The following METTL21C variants were observed in gnomAD, a reference collection of about 807,000 sequenced individuals.
METTL21C encodes methyltransferase 21C, AARS1 lysine.
In METTL21C, 21 loss-of-function variants were observed where a neutral mutation model predicts 25.9. The ratio of observed to expected loss-of-function variants is 0.81; its 90% confidence interval spans 0.58 to 1.17. The LOEUF (loss-of-function observed/expected upper bound fraction) is 1.17, where lower values mean the gene tolerates loss of function less well. Ranked by LOEUF, METTL21C falls within the 50% of genes most tolerant of loss-of-function variation. The pLI is 0.00. For missense variants in METTL21C, 312 were observed against 315.1 expected, an observed-to-expected ratio of 0.99 and a Z score of 0.07; for synonymous variants, 125 against 124.7, an observed-to-expected ratio of 1.00 and a Z score of -0.01.
intron 2 of METTL21C, among the ~76,000 whole-genome samples, chr13:102,689,181 C>T (rs894122983): frequency 2.6e-5 from 4 of 152,134 alleles, no homozygotes; most frequent in South Asian, 2.1e-4. Context: ...CCTCTTGCCT[C>T]GGCTTCTGAA....
intron 2 of METTL21C, 119 bp downstream of exon 2, chr13:102,690,694 T>G (rs367744448): frequency 6.5e-6 from 8 of 1,232,268 alleles, no homozygotes; most frequent in South Asian, 4.8e-5. Flanking sequence ...GGCAAGCAAC[T>G]GAACCTCAAA....
At chr13:102,699,229 C>G (rs1885995361), upstream of METTL21C, among the ~76,000 whole-genome samples, 1 of 152,100 alleles carries the variant, frequency 6.6e-6, no homozygotes, top group African/African-American at 2.4e-5. Context: ...CAGTGGAGAC[C>G]CACCCTTTCT....
In METTL21C at chr13:102,690,947, G is replaced by A. The variant is rs1885815246; in HGVS notation, c.148C>T (p.Pro50Ser). 1.9e-6 allele frequency: 3 copies of A among 1,613,954 alleles called. No individual in the cohort carries two copies. Among genetic ancestry groups the A allele is most frequent in the South Asian group, 2.2e-5 (2 of 91,046 alleles). Reference sequence around the variant, plus strand: ...AATTTCTGGAGGCTATGAAGAGATGGTTCTATCTTGTTGGATTCTGTGAAG... The same window carrying A: ...AATTTCTGGAGGCTATGAAGAGATGATTCTATCTTGTTGGATTCTGTGAAG... ...GVLEESNKIE[P>S]SLHSLQKFVP... The change falls in exon 2 of 4, where the codon CCA (proline) becomes TCA (serine). Residue 50 changes from proline (P) to serine (S), a missense_variant. Pro to Ser is a moderately conservative substitution (Grantham distance 74). Transcript: ENST00000267273.
At chr13:102,704,264 T>C in the METTL21C span, among the ~76,000 whole-genome samples, 1 of 152,214 alleles carries the variant, frequency 6.6e-6, no homozygotes, top group African/African-American at 2.4e-5. Context: ...TAGGTTCTAA[T>C]TCTTTCGATT....
At chr13:102,703,494 G>T in the METTL21C span, among the ~76,000 whole-genome samples, 1 of 152,184 alleles carries the variant, frequency 6.6e-6, no homozygotes, top group Non-Finnish European at 1.5e-5. Flanking sequence ...AAAATAAATG[G>T]AAAGAAAACC....
the METTL21C span, among the ~76,000 whole-genome samples, chr13:102,701,317 C>T: frequency 6.6e-6 from 1 of 152,120 alleles, no homozygotes; most frequent in Non-Finnish European, 1.5e-5. Context: ...CTGTTTCCTT[C>T]GTCTCTGAGA....
intron 1 of METTL21C, among the ~76,000 whole-genome samples, 159 bp from the exon 2 acceptor site, chr13:102,691,123 T>G (rs561617688): frequency 3.0e-4 from 45 of 152,224 alleles, no homozygotes; most frequent in African/African-American, 1.1e-3. Context: ...GGCACAAAAT[T>G]GAATTATATG....
chr13:102,698,024 C>A (rs1240860838), upstream of METTL21C, among the ~76,000 whole-genome samples: 3 of 152,166 alleles, frequency 2.0e-5, no homozygotes, highest in South Asian at 6.2e-4. Context: ...CACACATGAG[C>A]GAGGCCAGGA....
chr13:102,689,727 A>C (rs896003), intron 2 of METTL21C, among the ~76,000 whole-genome samples: 1 of 152,146 alleles, frequency 6.6e-6, no homozygotes, highest in South Asian at 2.1e-4. Flanking sequence ...CCTGCACCCC[A>C]GTCGGGAGCT....
the METTL21C span, among the ~76,000 whole-genome samples, chr13:102,702,387 G>A: frequency 0.059 from 9,028 of 152,068 alleles, 867 homozygotes; most frequent in African/African-American, 0.2. Flanking sequence ...TTCCTATTTA[G>A]CATTGTGTAG....
intron 1 of METTL21C, among the ~76,000 whole-genome samples, chr13:102,691,971 T>G (rs981688195): frequency 6.6e-6 from 1 of 151,932 alleles, no homozygotes; most frequent in East Asian, 1.9e-4. Flanking sequence ...TGAGTCAAAG[T>G]GTGTGGAAGA....
chr13:102,686,730 G>C (rs1885685902), intron 3 of METTL21C, among the ~76,000 whole-genome samples: 1 of 152,166 alleles, frequency 6.6e-6, no homozygotes, highest in African/African-American at 2.4e-5. Context: ...TTCGTCCCAT[G>C]GAAACTGGTT....
At chr13:102,686,905 G>C (rs371053488) in intron 3 of METTL21C, 35 bp downstream of exon 3, 14 of 1,523,156 alleles carry the variant, frequency 9.2e-6, no homozygotes, top group East Asian at 2.3e-5. Context: ...TTACAGTAAA[G>C]ATCTGGATAC....
chr13:102,696,998 GT>G (rs1885958294), upstream of METTL21C, among the ~76,000 whole-genome samples: 1 of 152,178 alleles, frequency 6.6e-6, no homozygotes, highest in African/African-American at 2.4e-5. Flanking sequence ...AAAAGGATTA[GT>G]CCTCCTGCAT....
upstream of METTL21C, among the ~76,000 whole-genome samples, chr13:102,695,071 G>A (rs1239022490): frequency 6.6e-6 from 1 of 152,170 alleles, no homozygotes; most frequent in African/African-American, 2.4e-5. Context: ...TTTCAAAGAA[G>A]TGGGTGTTGG....
At chr13:102,697,290 T>C (rs939905713), upstream of METTL21C, among the ~76,000 whole-genome samples, 1 of 151,990 alleles carries the variant, frequency 6.6e-6, no homozygotes, top group Non-Finnish European at 1.5e-5. Context: ...GGGGGAGTCC[T>C]CCCCTCTTGC....
intron 1 of METTL21C, among the ~76,000 whole-genome samples, chr13:102,692,454 T>C (rs1885855943): frequency 2.0e-5 from 3 of 152,198 alleles, no homozygotes; most frequent in Non-Finnish European, 4.4e-5. Flanking sequence ...GCCTGTTGAA[T>C]CTAACTACAA....
chr13:102,695,899 T>A (rs1341505558), upstream of METTL21C, among the ~76,000 whole-genome samples: 1 of 152,222 alleles, frequency 6.6e-6, no homozygotes, highest in Non-Finnish European at 1.5e-5. Flanking sequence ...TAAAAACTGA[T>A]TGCAATGTAC....
intron 2 of METTL21C, among the ~76,000 whole-genome samples, chr13:102,687,469 A>G (rs1054869304): frequency 6.6e-6 from 1 of 152,224 alleles, no homozygotes; most frequent in Non-Finnish European, 1.5e-5. Flanking sequence ...TTATAGAAGT[A>G]ATTTTTTAAA....
Sources: gnomAD v4.1 joint callset for allele counts (sites outside exome capture counted in the v4.1 genomes callset) on GRCh38, gnomAD v4.1.1 for gene constraint, MANE v1.5 for transcripts, NCBI Gene and HGNC (gene_info 2026-07-23, HGNC 2026-07-21) for gene names.